Variants in MINDY2 observed in about 807,000 individuals in gnomAD.
MINDY2 encodes the protein MINDY lysine 48 deubiquitinase 2.
Under a neutral mutation model 68.2 loss-of-function variants are expected in MINDY2, and 52 were observed. That is an observed-to-expected ratio of 0.76 (90% CI 0.61 to 0.96). The LOEUF (loss-of-function observed/expected upper bound fraction) is 0.96. Among genes scored for constraint, MINDY2 ranks in the 40% least tolerant of loss-of-function variants. The pLI is 0.00. For synonymous variants in MINDY2, 372 were observed against 303.0 expected, an observed-to-expected ratio of 1.23 and a Z score of -2.36; for missense variants, 881 against 773.4, an observed-to-expected ratio of 1.14 and a Z score of -1.65.
intron 5 of MINDY2, among the ~76,000 whole-genome samples, chr15:58,824,230 A>G (rs1176926475): frequency 1.3e-5 from 2 of 152,134 alleles, no homozygotes; most frequent in Non-Finnish European, 2.9e-5. Context: ...TTTTTCCTTA[A>G]CCTGATGTCA....
intron 2 of MINDY2, among the ~76,000 whole-genome samples, chr15:58,791,751 A>G (rs1158600072): frequency 1.3e-5 from 2 of 151,828 alleles, no homozygotes; most frequent in Non-Finnish European, 2.9e-5. Context: ...GCTACTGGCT[A>G]CTGTATTAGA....
chr15:58,827,125 C>T (rs2031448212), intron 5 of MINDY2, among the ~76,000 whole-genome samples: 1 of 152,178 alleles, frequency 6.6e-6, no homozygotes, highest in Admixed American at 6.5e-5. Flanking sequence ...ATCGGGGGCA[C>T]ATGAGCCTGA....
rs2033048870 is a variant in MINDY2, at chr15:58,855,972, T to A, written c.*1362T>A. 6.6e-6 allele frequency: 1 copy of A among 151,412 alleles called. No individual in the cohort carries two copies. The highest frequency in any genetic ancestry group is 2.4e-5 in the African/African-American group (1 of 41,078). The allele number at this position is 151,412 out of a possible 1,614,324, so 9.4% of individuals were successfully genotyped here. A position where few individuals can be genotyped will look rare whatever the true frequency, so the allele number is the denominator to read the frequency against. On this transcript the variant is annotated 3_prime_UTR_variant, in exon 9 of 9. Transcript: ENST00000559228. ...AGAATTTATGTAAAAGCAATCAGAGTTTTTAATTTATGGGAACCAAATAAA... is the reference window on the plus strand; with the variant it reads ...AGAATTTATGTAAAAGCAATCAGAGATTTTAATTTATGGGAACCAAATAAA...
chr15:58,772,233 A>G lies in MINDY2; in HGVS notation c.838A>G (p.Lys280Glu), dbSNP rs763695056. ...AILNVLLLAW[K>E]VKLPPMMEII... is the part of the protein sequence containing the mutation. The stretch of plus-strand genomic sequence containing the variant: ...CCTCAATGTTTTGCTCCTGGCCTGG[A>G]AGGTACATTCTGCAGCTTTCTACTT... Residue 280 changes from lysine to glutamate, a missense_variant and splice_region_variant, in exon 1 of 9, where the codon AAG becomes GAG. Coordinates refer to ENST00000559228, the MANE Select transcript of MINDY2 (RefSeq NM_001040450.3). The G allele has an allele frequency of 3.7e-6, 6 of 1,610,082 alleles. No individual in the cohort carries two copies. The highest frequency in any genetic ancestry group is 3.3e-5 in the South Asian group (3 of 91,070).
chr15:58,840,125 G>A (rs1023017212), intron 6 of MINDY2, among the ~76,000 whole-genome samples: 4 of 152,060 alleles, frequency 2.6e-5, no homozygotes, highest in East Asian at 1.9e-4. Context: ...TGAGCCACGC[G>A]TTTGGCCTCG....
rs1242779511 is a variant in MINDY2 at position 58,831,824 on chromosome 15, C to T, written c.1276C>T (p.His426Tyr). Residue 426 changes from histidine to tyrosine, a missense_variant, in exon 6 of 9, where the codon CAT (histidine) becomes TAT (tyrosine). By Grantham distance (83) the His-to-Tyr change is moderately conservative (BLOSUM62 2). Transcript: ENST00000559228. Reference sequence around the variant, plus strand: ...TAACACAGCCACTCAACTGACATACCATGGATTATGTGAACTAACTTCAAC... The same window carrying T: ...TAACACAGCCACTCAACTGACATACTATGGATTATGTGAACTAACTTCAAC... ...LNNTATQLTY[H>Y]GLCELTSTVQ... 2.4e-5 allele frequency: 39 copies of T among 1,613,458 alleles called. No homozygotes were observed. Among genetic ancestry groups the T allele is most frequent in the East Asian group, 4.5e-5 (2 of 44,780 alleles).
At chr15:58,802,143 G>A (rs1406134071) in intron 2 of MINDY2, among the ~76,000 whole-genome samples, 170 bp from the exon 3 acceptor site, 10 of 152,230 alleles carry the variant, frequency 6.6e-5, no homozygotes, top group South Asian at 2.1e-4. Flanking sequence ...AATATTTGAC[G>A]TGATAGGAAA....
intron 5 of MINDY2, among the ~76,000 whole-genome samples, chr15:58,829,377 C>T (rs1274662049): frequency 6.6e-6 from 1 of 152,066 alleles, no homozygotes; most frequent in Non-Finnish European, 1.5e-5. Context: ...ATTTAATATC[C>T]ATAATAATTC....
In MINDY2 at chr15:58,854,667, G is replaced by A; in HGVS notation, c.*57G>A. 2 of 1,546,350 alleles carry A rather than the reference G, an allele frequency of 1.3e-6. No individual in the cohort carries two copies. The highest frequency in any genetic ancestry group is 1.7e-6 in the Non-Finnish European group (2 of 1,155,376). ...TGTCTTGAGAAACAAAACCACAGGA[G>A]GAAAGGAAGAAAAACCGATCAATAC... On this transcript the variant is annotated 3_prime_UTR_variant, in exon 9 of 9. Coordinates refer to ENST00000559228, the MANE Select transcript of MINDY2 (RefSeq NM_001040450.3).
chr15:58,845,075 C>T (rs1422729996), intron 6 of MINDY2, among the ~76,000 whole-genome samples: 5 of 151,478 alleles, frequency 3.3e-5, no homozygotes, highest in Non-Finnish European at 7.4e-5. Flanking sequence ...AAATTTAAAA[C>T]GGGAAAATGA....
chr15:58,827,637 T>G (rs938911799), intron 5 of MINDY2, among the ~76,000 whole-genome samples: 3 of 152,110 alleles, frequency 2.0e-5, no homozygotes, highest in African/African-American at 7.2e-5. Context: ...CTAATTTTTT[T>G]GTACTTTTAG....
At chr15:58,835,282 T>C (rs1355905871) in intron 6 of MINDY2, among the ~76,000 whole-genome samples, 1 of 152,222 alleles carries the variant, frequency 6.6e-6, no homozygotes, top group Non-Finnish European at 1.5e-5. Flanking sequence ...TATCAGGATT[T>C]ATAAGTTAGT....
At chr15:58,840,482 C>T (rs994962628) in intron 6 of MINDY2, among the ~76,000 whole-genome samples, 25 of 152,108 alleles carry the variant, frequency 1.6e-4, no homozygotes, top group Non-Finnish European at 2.4e-4. Flanking sequence ...TTTTATTCCT[C>T]ATCTATCTAT....
chr15:58,844,935 A>G (rs1195411413), intron 6 of MINDY2, among the ~76,000 whole-genome samples: 5 of 149,758 alleles, frequency 3.3e-5, no homozygotes, highest in Middle Eastern at 3.4e-3. Context: ...AAAAAAAAAA[A>G]AAAAAAAATG....
At chr15:58,852,929 T>TG (rs1567079696) in intron 8 of MINDY2, among the ~76,000 whole-genome samples, 1 of 2,436 alleles carries the variant, frequency 4.1e-4, no homozygotes, top group African/African-American at 7.0e-4. Context: ...CCTGTTTTTT[T>TG]TTTTTTTTTT....
intron 2 of MINDY2, among the ~76,000 whole-genome samples, chr15:58,793,990 C>T (rs2043261326): frequency 6.6e-6 from 1 of 152,080 alleles, no homozygotes; most frequent in African/African-American, 2.4e-5. Context: ...TGCACGAGTC[C>T]AGGCCTGAAT....
chr15:58,853,672 T>A (rs774944345), intron 8 of MINDY2, among the ~76,000 whole-genome samples: 13 of 151,694 alleles, frequency 8.6e-5, no homozygotes, highest in Non-Finnish European at 1.3e-4. Flanking sequence ...TATAAAAAAT[T>A]AGCTGGGTGT....
In MINDY2 at chr15:58,839,841, T is replaced by C. The variant is rs1167849050; in HGVS notation, c.1369-7456T>C. ...CAGCTGATTTTATCTTTTTTTTTTT[T>C]TTTCTTTTTGGGACAGAGTCTCACT... On this transcript the variant is annotated intron_variant, in intron 6 of 8. Transcript: ENST00000559228. Among the ~76,000 whole-genome samples, 8 of 151,612 alleles carry C rather than the reference T, an allele frequency of 5.3e-5. No homozygotes were observed. In the South Asian group the frequency reaches 1.7e-3, roughly 32 times the overall value.
chr15:58,848,830 C>T (rs1425664701), intron 7 of MINDY2, among the ~76,000 whole-genome samples: 1 of 152,184 alleles, frequency 6.6e-6, no homozygotes, highest in Non-Finnish European at 1.5e-5. Flanking sequence ...AAGTCGTGCT[C>T]ATTTTCCTTC....
Sources: gnomAD v4.1 joint callset for allele counts (sites outside exome capture counted in the v4.1 genomes callset) on GRCh38, gnomAD v4.1.1 for gene constraint, MANE v1.5 for transcripts, NCBI Gene and HGNC (gene_info 2026-07-23, HGNC 2026-07-21) for gene names.